Variants in DOCK2 observed in about 807,000 individuals in gnomAD.
The protein encoded by DOCK2 is dedicator of cytokinesis protein 2.
Under a neutral mutation model 248.9 loss-of-function variants are expected in DOCK2, and 87 were observed. The ratio of observed to expected loss-of-function variants is 0.35; its 90% CI spans 0.29 to 0.42. The LOEUF (loss-of-function observed/expected upper bound fraction) is 0.42. Ranked by LOEUF, DOCK2 falls within the 10% of genes least tolerant of loss-of-function variation. DOCK2 has a pLI of 1.00. For missense variants in DOCK2, 1,747 were observed against 2,300.2 expected (o/e 0.76, Z 4.92); for synonymous variants, 805 against 821.6 (o/e 0.98, Z 0.35).
intron 25 of DOCK2, among the ~76,000 whole-genome samples, chr5:169,794,277 G>T (rs1329944488): frequency 6.6e-6 from 1 of 151,990 alleles, no homozygotes; most frequent in East Asian, 1.9e-4. Context: ...TTTGTACTCG[G>T]CTTGGCCTCC....
rs146045054 is a variant in DOCK2 at position 169,811,743 on chromosome 5, A to G, written c.2703+8537A>G. Among the ~76,000 whole-genome samples the G allele has an allele frequency of 3.2e-3, 483 of 152,222 alleles. 1 individual carries two copies. The highest frequency in any genetic ancestry group is 5.8e-3 in the Admixed American group (88 of 15,286). ...TGGCAAGGTAGATCTTACTATCCCC[A>G]TTTAACTGGCGAGGAGGCTGAGTCT... On this transcript the variant is annotated intron_variant, in intron 26 of 51. Coordinates refer to ENST00000520908, the MANE Select transcript of DOCK2 (RefSeq NM_004946.3).
intron 22 of DOCK2, among the ~76,000 whole-genome samples, chr5:169,723,852 G>T (rs1327308021): frequency 1.3e-5 from 2 of 151,810 alleles, no homozygotes; most frequent in African/African-American, 2.4e-5. Flanking sequence ...TCCCTTCCTT[G>T]CTGGAATGTC....
At chr5:170,022,901 A>T (rs1248920717) in intron 33 of DOCK2, among the ~76,000 whole-genome samples, 2 of 152,234 alleles carry the variant, frequency 1.3e-5, no homozygotes, top group Non-Finnish European at 2.9e-5. Flanking sequence ...CATGTCATTC[A>T]GGGGAACCAC....
At chr5:169,901,286 G>A (rs1387068798) in intron 27 of DOCK2, among the ~76,000 whole-genome samples, 1 of 152,180 alleles carries the variant, frequency 6.6e-6, no homozygotes, top group Non-Finnish European at 1.5e-5. Context: ...AGGCCAGCTT[G>A]GATGGAATCC....
At chr5:169,654,665 T>C (rs1334519348) in intron 2 of DOCK2, among the ~76,000 whole-genome samples, 179 bp downstream of exon 2, 1 of 152,260 alleles carries the variant, frequency 6.6e-6, no homozygotes, top group Admixed American at 6.5e-5. Context: ...TAGGAATGTA[T>C]GTTTCATAGC....
At chr5:169,890,470 G>A (rs1773218896) in intron 27 of DOCK2, among the ~76,000 whole-genome samples, 1 of 152,150 alleles carries the variant, frequency 6.6e-6, no homozygotes, top group Non-Finnish European at 1.5e-5. Flanking sequence ...TGTGGTCCAA[G>A]TATCCACTTA....
chr5:170,073,560 C>T (rs182284577), intron 46 of DOCK2, among the ~76,000 whole-genome samples: 187 of 152,298 alleles, frequency 1.2e-3, no homozygotes, highest in African/African-American at 4.3e-3. Flanking sequence ...TCTTCTCATC[C>T]ATGAACATGG....
At chr5:170,013,027 T>A (rs1171847704) in intron 32 of DOCK2, among the ~76,000 whole-genome samples, 1 of 151,958 alleles carries the variant, frequency 6.6e-6, no homozygotes, top group Non-Finnish European at 1.5e-5. Flanking sequence ...AAGTGAAATG[T>A]GTAGTGGGGA....
Position 169,904,091 on chromosome 5 carries a change from CAAAAAAAAAAAA to C in DOCK2, c.2799+63249_2799+63260del, listed in dbSNP as rs57983281. ...TGGGCAACAGAGCAAGACTTCGTCT[CAAAAAAAAAAAA>C]AAAAAAAAAGTTTAGGGGAGGAGAA... On this transcript the variant is annotated intron_variant, in intron 27 of 51. Coordinates refer to ENST00000520908, the MANE Select transcript of DOCK2 (RefSeq NM_004946.3). Among the ~76,000 whole-genome samples, 316 of 70,374 alleles carry C rather than the reference CAAAAAAAAAAAA, an allele frequency of 4.5e-3. 14 individuals carry two copies. In the South Asian group the frequency reaches 0.14, roughly 31 times the overall value. 46.2% of individuals were successfully genotyped at this position (70,374 alleles called of 152,430 possible).
intron 27 of DOCK2, among the ~76,000 whole-genome samples, chr5:169,946,136 A>T (rs576983628): frequency 7.2e-5 from 11 of 152,320 alleles, no homozygotes; most frequent in South Asian, 6.2e-4. Flanking sequence ...ATGAGGAAGG[A>T]GTGATCTAAC....
At chr5:169,870,546 C>A (rs1771887808) in intron 27 of DOCK2, among the ~76,000 whole-genome samples, 1 of 151,688 alleles carries the variant, frequency 6.6e-6, no homozygotes, top group Non-Finnish European at 1.5e-5. Flanking sequence ...TTTGAATTTG[C>A]AAAGTATTTT....
chr5:169,641,482 A>G (rs1302186820), intron 1 of DOCK2, among the ~76,000 whole-genome samples: 1 of 152,216 alleles, frequency 6.6e-6, no homozygotes, highest in Non-Finnish European at 1.5e-5. Context: ...TCATTTGCAC[A>G]TGGATTTTTG....
chr5:169,678,555 G>T (rs1759473088), intron 6 of DOCK2, among the ~76,000 whole-genome samples: 1 of 152,160 alleles, frequency 6.6e-6, no homozygotes, highest in South Asian at 2.1e-4. Context: ...AAGCCACCGA[G>T]CCTGGCCAAG....
intron 25 of DOCK2, among the ~76,000 whole-genome samples, chr5:169,795,423 G>A (rs892263885): frequency 2.0e-5 from 3 of 152,136 alleles, no homozygotes; most frequent in East Asian, 1.9e-4. Flanking sequence ...CCGGAGGCTC[G>A]CCAGAGGGCT....
chr5:169,897,334 A>G (rs1773670404), intron 27 of DOCK2, among the ~76,000 whole-genome samples: 1 of 152,094 alleles, frequency 6.6e-6, no homozygotes, highest in South Asian at 2.1e-4. Flanking sequence ...ACAGGCACAC[A>G]CCACCACACC....
intron 22 of DOCK2, among the ~76,000 whole-genome samples, chr5:169,727,078 A>G (rs1421615042): frequency 6.6e-6 from 1 of 151,570 alleles, no homozygotes; most frequent in African/African-American, 2.4e-5. Flanking sequence ...AAAAAAAAAA[A>G]AAAGAAAAAA....
At chr5:169,886,513 G>T (rs540653650) in intron 27 of DOCK2, among the ~76,000 whole-genome samples, 1 of 152,244 alleles carries the variant, frequency 6.6e-6, no homozygotes, top group African/African-American at 2.4e-5. Context: ...CTATGATAAT[G>T]GGGAGCTCAG....
At chr5:169,742,650 A>G (rs1044898243) in intron 22 of DOCK2, among the ~76,000 whole-genome samples, 2 of 152,180 alleles carry the variant, frequency 1.3e-5, no homozygotes, top group Non-Finnish European at 2.9e-5. Context: ...TGCTTTGGTT[A>G]GATTCTGCTC....
intron 7 of DOCK2, among the ~76,000 whole-genome samples, chr5:169,683,572 C>T (rs938305526): frequency 2.0e-5 from 3 of 152,172 alleles, no homozygotes; most frequent in Admixed American, 2.0e-4. Flanking sequence ...GCTTTAGTTG[C>T]TCTACATCCT....
Sources: allele counts gnomAD v4.1 joint callset (sites outside exome capture counted in the v4.1 genomes callset), GRCh38; gene constraint gnomAD v4.1.1; transcripts MANE v1.5; gene names NCBI Gene and HGNC (gene_info 2026-07-23, HGNC 2026-07-21).